The following ANK1 variants were observed in gnomAD, a reference collection of about 807,000 sequenced individuals.
The protein encoded by ANK1 is ankyrin 1.
In ANK1, 51 loss-of-function variants were observed where a neutral mutation model predicts 210.4. The observed-to-expected ratio is 0.24, with a 90% CI of 0.19 to 0.31. The LOEUF is 0.31. ANK1 is among the 10% of genes least tolerant of loss of function. The pLI is 1.00. For missense variants in ANK1, 2,051 were observed against 2,504.4 expected (o/e 0.82, Z 3.86); for synonymous variants, 967 against 1,025.9 (o/e 0.94, Z 1.10).
chr8:41,823,635 G>C (rs1470424323), intron 1 of ANK1, among the ~76,000 whole-genome samples: 3 of 151,868 alleles, frequency 2.0e-5, no homozygotes, highest in Admixed American at 6.6e-5. Context: ...ATGGTGGCAT[G>C]AGTCTGTAGT....
chr8:41,876,310 C>T (rs992977114), intron 1 of ANK1, among the ~76,000 whole-genome samples: 1 of 152,198 alleles, frequency 6.6e-6, no homozygotes, highest in African/African-American at 2.4e-5. Flanking sequence ...TCGCGCAGCC[C>T]CTCGGCCAGC....
intron 1 of ANK1, among the ~76,000 whole-genome samples, chr8:41,815,794 C>G (rs368746103): frequency 6.6e-6 from 1 of 152,130 alleles, no homozygotes; most frequent in Non-Finnish European, 1.5e-5. Flanking sequence ...TTCATCATTT[C>G]TAGAAATATA....
intron 1 of ANK1, among the ~76,000 whole-genome samples, chr8:41,872,588 G>C (rs1269725474): frequency 6.6e-6 from 1 of 152,222 alleles, no homozygotes; most frequent in East Asian, 1.9e-4. Context: ...AGGCCTTGGA[G>C]CCGTGGGGAG....
At chr8:41,749,034 C>CA (rs55642051) in intron 2 of ANK1, among the ~76,000 whole-genome samples, 42,474 of 142,928 alleles carry the variant, frequency 0.3, 6,425 homozygotes, top group African/African-American at 0.39. Context: ...GACTCCATCT[C>CA]AAAAAAAAAA....
chr8:41,722,787 G>A lies in ANK1; in HGVS notation c.909+338C>T, dbSNP rs993886515. ...CCTGCCACCAGTGTTTGTCAATAACGTTTTATTGGAACACGGGCCCTAGTT... is the reference window on the plus strand; with the variant it reads ...CCTGCCACCAGTGTTTGTCAATAACATTTTATTGGAACACGGGCCCTAGTT... On this transcript the variant is annotated intron_variant, in intron 9 of 42. Coordinates refer to ENST00000289734, the MANE Select transcript of ANK1 (RefSeq NM_000037.4). Among the ~76,000 whole-genome samples, 8 of 152,244 alleles carry A rather than the reference G, an allele frequency of 5.3e-5. No individual in the cohort carries two copies. The South Asian group carries it at 6.2e-4, about 12-fold the overall frequency.
At chr8:41,896,062 G>A (rs1452319688) in intron 1 of ANK1, among the ~76,000 whole-genome samples, 5 of 152,220 alleles carry the variant, frequency 3.3e-5, no homozygotes, top group Non-Finnish European at 7.3e-5. Flanking sequence ...GGCCTGCCGG[G>A]TGCTGTCCAA....
In ANK1 at chr8:41,719,821, T is replaced by C. The variant is rs760321571; in HGVS notation, c.947A>G (p.Asp316Gly). The C allele has an allele frequency of 5.6e-6, 9 of 1,614,076 alleles. No individual in the cohort carries two copies. Among genetic ancestry groups the C allele is most frequent in the Admixed American group, 3.3e-5 (2 of 60,006 alleles). The change falls in exon 10 of 43, where the codon GAC becomes GGC. Residue 316 changes from aspartate to glycine, a missense_variant. This residue lies in a region of ANK1 where 1,413 missense variants were observed against 1,707.4 expected (regional missense o/e 0.83). Coordinates refer to ENST00000289734, the MANE Select transcript of ANK1 (RefSeq NM_000037.4). Reference protein sequence around the residue: ...LSPIHMAAQGDHLDCVRLLLQ... With the variant: ...LSPIHMAAQGGHLDCVRLLLQ... ...CAGGAGCCGGACACAGTCGAGGTGG[T>C]CTCCCTGAGCCGCCATGTGAATTGG...
intron 1 of ANK1, chr8:41,840,350 A>C (rs1357907138): frequency 6.6e-6 from 1 of 152,240 alleles, no homozygotes; most frequent in Non-Finnish European, 1.5e-5. Context: ...ACACTCTTTA[A>C]AAATACAATG....
chr8:41,756,122 C>CATTTTATTTATTTATTTATTT (rs1018645526), intron 2 of ANK1, among the ~76,000 whole-genome samples: 2 of 152,030 alleles, frequency 1.3e-5, no homozygotes, highest in Non-Finnish European at 2.9e-5. Context: ...TAGTATTTTG[C>CATTTTATTTATTTATTTATTT]ATTTTATTTA....
At chr8:41,743,133 T>C (rs1356762890) in intron 2 of ANK1, among the ~76,000 whole-genome samples, 1 of 152,198 alleles carries the variant, frequency 6.6e-6, no homozygotes, top group Non-Finnish European at 1.5e-5. Flanking sequence ...ATATTACGTT[T>C]GCAGGTCTGC....
chr8:41,724,289 T>C (rs73619358), intron 7 of ANK1, among the ~76,000 whole-genome samples, 167 bp downstream of exon 7: 1,537 of 152,250 alleles, frequency 0.01, 24 homozygotes, highest in African/African-American at 0.031. Flanking sequence ...AGGTGGAAAC[T>C]GGGGGGTAGA....
rs191147128 is a variant in ANK1 at position 41,659,018 on chromosome 8, C to T, written c.*36+2412G>A. The stretch of plus-strand genomic sequence containing the variant: ...AGGTTAGGCTCCCATGAGCCTCTGG[C>T]CACAATATTTTGGTCAACTGATGAA... On this transcript the variant is annotated intron_variant, in intron 42 of 42. Transcript: ENST00000289734. 1.3e-4 allele frequency among the ~76,000 whole-genome samples: 20 copies of T among 152,368 alleles called. 1 individual carries two copies. The East Asian group carries it at 3.3e-3, about 25-fold the overall frequency.
At chr8:41,871,372 A>C (rs6995662) in intron 1 of ANK1, among the ~76,000 whole-genome samples, 26,049 of 152,102 alleles carry the variant, frequency 0.17, 3,042 homozygotes, top group East Asian at 0.43. Flanking sequence ...CAGCAGCATG[A>C]TCACAGCTCA....
At chr8:41,860,454 C>A (rs1813071569) in intron 1 of ANK1, among the ~76,000 whole-genome samples, 1 of 152,142 alleles carries the variant, frequency 6.6e-6, no homozygotes. Flanking sequence ...CACAACCAGG[C>A]CAAGTTATGA....
At chr8:41,716,360 C>CA (rs1355878166) in intron 13 of ANK1, among the ~76,000 whole-genome samples, 1 of 152,064 alleles carries the variant, frequency 6.6e-6, no homozygotes, top group Non-Finnish European at 1.5e-5. Context: ...CACACCCCCC[C>CA]ACTTCCTGTT....
chr8:41,653,536 G>T lies in ANK1; in HGVS notation c.*2254C>A. The T allele has an allele frequency of 6.5e-6, 1 of 153,456 alleles. No individual in the cohort carries two copies. Among genetic ancestry groups the T allele is most frequent in the Non-Finnish European group, 1.5e-5 (1 of 68,586 alleles). 9.5% of individuals were successfully genotyped at this position (153,456 alleles called of 1,614,324 possible). A position where few individuals can be genotyped will look rare whatever the true frequency, so the allele number is the denominator to read the frequency against. On this transcript the variant is annotated 3_prime_UTR_variant, in exon 43 of 43. Coordinates refer to ENST00000289734, the MANE Select transcript of ANK1 (RefSeq NM_000037.4). ...AGCAGAGGTGCCAAAGCGGAGTCTG[G>T]AGCTGCGGGGTCCGCGGGGGCGCTA...
At chr8:41,778,923 G>A (rs189013022) in intron 1 of ANK1, among the ~76,000 whole-genome samples, 84 of 152,350 alleles carry the variant, frequency 5.5e-4, no homozygotes, top group Admixed American at 7.2e-4. Flanking sequence ...ATGGGAGGGA[G>A]GAGAGAGAGA....
chr8:41,833,330 A>T (rs996999737), intron 1 of ANK1, among the ~76,000 whole-genome samples: 3 of 152,216 alleles, frequency 2.0e-5, no homozygotes, highest in Non-Finnish European at 4.4e-5. Flanking sequence ...CCCCGTGGTG[A>T]TAGCAGGTGT....
At chr8:41,725,990 C>G (rs747153894) in intron 5 of ANK1, 44 bp from the exon 6 acceptor site, 1 of 1,598,054 alleles carries the variant, frequency 6.3e-7, no homozygotes, top group Non-Finnish European at 8.5e-7. Flanking sequence ...CGTCTGACGC[C>G]AGCCGCCCTT....
Sources: gnomAD v4.1 joint callset for allele counts (sites outside exome capture counted in the v4.1 genomes callset) on GRCh38, gnomAD v4.1.1 for gene constraint, gnomAD v4.1.1 regional missense constraint, MANE v1.5 for transcripts, NCBI Gene and HGNC (gene_info 2026-07-23, HGNC 2026-07-21) for gene names.